Variants in AUTS2 observed in about 807,000 individuals in gnomAD.
AUTS2 encodes the protein autism susceptibility gene 2 protein.
AUTS2 carries 17 observed loss-of-function variants against 112.4 expected under a neutral mutation model. The observed-to-expected ratio is 0.15, with a 90% CI of 0.10 to 0.23. The LOEUF is 0.23. Among genes scored for constraint, AUTS2 ranks in the 10% least tolerant of loss-of-function variants. AUTS2 has a pLI of 1.00. For missense variants in AUTS2, 1,510 were observed against 1,701.6 expected (o/e 0.89, Z 1.98); for synonymous variants, 751 against 702.7 (o/e 1.07, Z -1.09).
At chr7:70,396,680 T>A (rs1412262823) in intron 4 of AUTS2, among the ~76,000 whole-genome samples, 1 of 152,146 alleles carries the variant, frequency 6.6e-6, no homozygotes, top group Non-Finnish European at 1.5e-5. Context: ...CCTGGCCTAT[T>A]TTGAGATTCA....
chr7:69,846,134 T>C (rs992320632), intron 1 of AUTS2, among the ~76,000 whole-genome samples: 1 of 152,096 alleles, frequency 6.6e-6, no homozygotes, highest in Non-Finnish European at 1.5e-5. Flanking sequence ...TGTTAATATA[T>C]TCTACATGCA....
At chr7:70,309,231 A>G (rs1276391448) in intron 4 of AUTS2, among the ~76,000 whole-genome samples, 1 of 152,244 alleles carries the variant, frequency 6.6e-6, no homozygotes, top group African/African-American at 2.4e-5. Context: ...ATATTAATTT[A>G]CACATAGCCT....
intron 4 of AUTS2, among the ~76,000 whole-genome samples, chr7:70,334,442 A>G (rs1022608661): frequency 1.3e-5 from 2 of 152,212 alleles, no homozygotes; most frequent in Non-Finnish European, 2.9e-5. Flanking sequence ...TGGTAGGTGC[A>G]TGACTAGTAT....
At chr7:70,182,505 G>A (rs143477598) in intron 4 of AUTS2, among the ~76,000 whole-genome samples, 44 of 152,308 alleles carry the variant, frequency 2.9e-4, no homozygotes, top group African/African-American at 9.9e-4. Context: ...AACATAGTAG[G>A]ACCTCATTAA....
chr7:70,139,363 C>A (rs1020137789), intron 4 of AUTS2, among the ~76,000 whole-genome samples: 1 of 152,152 alleles, frequency 6.6e-6, no homozygotes, highest in Non-Finnish European at 1.5e-5. Context: ...GTGGTGCTTG[C>A]GGCTGCAACA....
At chr7:70,185,808 T>G (rs1298643411) in intron 4 of AUTS2, among the ~76,000 whole-genome samples, 1 of 152,218 alleles carries the variant, frequency 6.6e-6, no homozygotes, top group Non-Finnish European at 1.5e-5. Context: ...CACATCATTC[T>G]TGGAATATGT....
At chr7:69,823,492 C>G (rs146657146) in intron 1 of AUTS2, among the ~76,000 whole-genome samples, 78 of 152,346 alleles carry the variant, frequency 5.1e-4, no homozygotes, top group African/African-American at 1.7e-3. Context: ...CCCACAGCAG[C>G]TACAGTCCAT....
chr7:70,065,137 T>G (rs928396949), intron 2 of AUTS2, among the ~76,000 whole-genome samples: 2 of 152,096 alleles, frequency 1.3e-5, no homozygotes, highest in Non-Finnish European at 2.9e-5. Flanking sequence ...AAATCACTCT[T>G]GGAAATCTGT....
chr7:69,974,165 C>A (rs1238365662), intron 2 of AUTS2, among the ~76,000 whole-genome samples: 2 of 151,102 alleles, frequency 1.3e-5, no homozygotes, highest in Non-Finnish European at 2.9e-5. Context: ...GGTAGTTTTT[C>A]TTTGTAAGGA....
chr7:70,616,353 G>A (rs149455760), intron 5 of AUTS2, among the ~76,000 whole-genome samples: 8 of 152,296 alleles, frequency 5.3e-5, no homozygotes, highest in African/African-American at 1.9e-4. Flanking sequence ...TAGCTACCAC[G>A]TGGAGGCTCC....
intron 1 of AUTS2, among the ~76,000 whole-genome samples, chr7:69,614,314 C>CTTTCTTTCTTTCTTTCTT (rs1468098088): frequency 6.0e-4 from 50 of 83,418 alleles, no homozygotes; most frequent in Non-Finnish European, 1.0e-3. Flanking sequence ...CACTCTCCGT[C>CTTTCTTTCTTTCTTTCTT]TCTTTCTTTC....
intron 5 of AUTS2, among the ~76,000 whole-genome samples, chr7:70,591,384 CTTTGTTTG>C (rs55794656): frequency 4.3e-4 from 64 of 150,378 alleles, no homozygotes; most frequent in South Asian, 4.2e-3. Context: ...TTTACCCAGT[CTTTGTTTG>C]TTTGTTTGTT....
rs1335444498 is a variant in AUTS2 at position 70,121,589 on chromosome 7, G to A, written c.624+3356G>A. On this transcript the variant is annotated intron_variant, in intron 3 of 18. Coordinates refer to ENST00000342771, the MANE Select transcript of AUTS2 (RefSeq NM_015570.4). Reference sequence around the variant, plus strand: ...CTTGAAAAATGCTGAAAATCATTAGGTATTAGAGAAATGCAAATTAAAACT... The same window carrying A: ...CTTGAAAAATGCTGAAAATCATTAGATATTAGAGAAATGCAAATTAAAACT... Among the ~76,000 whole-genome samples, 11 of 152,160 alleles carry A rather than the reference G, an allele frequency of 7.2e-5. No homozygotes were observed. The East Asian group carries it at 1.9e-3, about 27-fold the overall frequency.
intron 5 of AUTS2, among the ~76,000 whole-genome samples, chr7:70,658,968 A>T (rs1394361635): frequency 6.6e-6 from 1 of 152,206 alleles, no homozygotes; most frequent in African/African-American, 2.4e-5. Context: ...ACAAGCCCTA[A>T]CATGCATGGC....
intron 1 of AUTS2, among the ~76,000 whole-genome samples, chr7:69,867,869 A>T (rs1042405765): frequency 6.6e-6 from 1 of 152,196 alleles, no homozygotes; most frequent in African/African-American, 2.4e-5. Flanking sequence ...AATACAGGAC[A>T]CATAGATAAA....
In AUTS2 at chr7:70,608,724, G is replaced by A. The variant is rs943530808; in HGVS notation, c.691-89845G>A. 3.9e-5 allele frequency among the ~76,000 whole-genome samples: 6 copies of A among 152,170 alleles called. No individual in the cohort carries two copies. The East Asian group carries it at 1.2e-3, about 29-fold the overall frequency. On this transcript the variant is annotated intron_variant, in intron 5 of 18. Coordinates refer to ENST00000342771, the MANE Select transcript of AUTS2 (RefSeq NM_015570.4). The stretch of plus-strand genomic sequence containing the variant: ...TGATGATATTGGACAATCCCCTGGT[G>A]TACTGCTCAGTGGGAAAGTAGATAT...
At chr7:69,861,996 T>A (rs1181660666) in intron 1 of AUTS2, among the ~76,000 whole-genome samples, 1 of 152,254 alleles carries the variant, frequency 6.6e-6, no homozygotes, top group Non-Finnish European at 1.5e-5. Context: ...TGGTTTTGAA[T>A]TTAACATTGA....
At chr7:70,321,337 T>A (rs897725702) in intron 4 of AUTS2, among the ~76,000 whole-genome samples, 1 of 152,202 alleles carries the variant, frequency 6.6e-6, no homozygotes, top group African/African-American at 2.4e-5. Context: ...TATTTTCATA[T>A]TAGAATAGCT....
chr7:69,851,833 G>T (rs1298076247), intron 1 of AUTS2, among the ~76,000 whole-genome samples: 2 of 152,064 alleles, frequency 1.3e-5, no homozygotes, highest in East Asian at 3.8e-4. Context: ...TTTGCATGTT[G>T]GTCTTCAACT....
Sources: allele counts gnomAD v4.1 joint callset (sites outside exome capture counted in the v4.1 genomes callset), GRCh38; gene constraint gnomAD v4.1.1; transcripts MANE v1.5; gene names NCBI Gene and HGNC (gene_info 2026-07-23, HGNC 2026-07-21).